The following B3GALT9 variants were observed in gnomAD, a reference collection of about 807,000 sequenced individuals.
B3GALT9 encodes the protein beta-1,3-galactosyltransferase 9, also known as UDP-GlcNAc:betaGal beta-1,3-N-acetylglucosaminyltransferase 10 (putative).
chr9:120,795,107 G>C (rs898156752), intron 1 of B3GALT9, among the ~76,000 whole-genome samples: 3 of 152,160 alleles, frequency 2.0e-5, no homozygotes, highest in African/African-American at 7.2e-5. Context: ...AAGGTCTCAA[G>C]AGAGCAAATT....
rs1439410414 is a variant in B3GALT9 at position 120,800,995 on chromosome 9, C to A, written c.*1317C>A. 6.6e-6 allele frequency among the ~76,000 whole-genome samples: 1 copy of A among 152,218 alleles called. No individual in the cohort carries two copies. Among genetic ancestry groups the A allele is most frequent in the African/African-American group, 2.4e-5 (1 of 41,454 alleles). On this transcript the variant is annotated 3_prime_UTR_variant, in exon 3 of 3. Transcript: ENST00000689072. ...TTGTCCTTCAATGCCTGGTTTATTTCATGTAACATAATGCACTCCAGGTTC... is the reference window on the plus strand; with the variant it reads ...TTGTCCTTCAATGCCTGGTTTATTTAATGTAACATAATGCACTCCAGGTTC...
chr9:120,799,421 C>T lies in B3GALT9; in HGVS notation c.853C>T (p.Pro285Ser). 2.5e-6 allele frequency: 1 copy of T among 399,214 alleles called. No homozygotes were observed. The highest frequency in any genetic ancestry group is 4.4e-6 in the Non-Finnish European group (1 of 226,114). The allele number at this position is 399,214 out of a possible 1,614,324, so 24.7% of individuals were successfully genotyped here. ...GICAKFIGLI[P>S]IHSSRFSGKR... ...TTGTGCTAAGTTCATTGGCCTTATA[C>T]CCATCCACAGCTCAAGGTTTTCTGG... Residue 285 changes from proline (P) to serine (S), a missense_variant, in exon 3 of 3, where the codon CCC (proline) becomes TCC (serine). By Grantham distance (74) the Pro-to-Ser change is moderately conservative. Coordinates refer to ENST00000689072, the MANE Select transcript of B3GALT9 (RefSeq NM_001386823.1).
At chr9:120,794,511 TG>T (rs1426834958) in intron 1 of B3GALT9, among the ~76,000 whole-genome samples, 4 of 23,986 alleles carry the variant, frequency 1.7e-4, no homozygotes, top group Admixed American at 1.1e-3. Flanking sequence ...GCTAGTTGTG[TG>T]TGTGTGTGTG....
Position 120,799,751 on chromosome 9 carries a change from C to A in B3GALT9, c.*73C>A, listed in dbSNP as rs2044959690. 2 of 397,608 alleles carry A rather than the reference C, an allele frequency of 5.0e-6. No homozygotes were observed. Among genetic ancestry groups the A allele is most frequent in the South Asian group, 2.8e-4 (2 of 7,236 alleles). 24.6% of individuals were successfully genotyped at this position (397,608 alleles called of 1,614,324 possible). A position where few individuals can be genotyped will look rare whatever the true frequency, so the allele number is the denominator to read the frequency against. On this transcript the variant is annotated 3_prime_UTR_variant, in exon 3 of 3. Transcript: ENST00000689072. ...TACCCTGTTATGGAAAGCATCCCTT[C>A]TTTCCCATGTTTTATGTAGGTTCTC...
chr9:120,795,454 A>T (rs149700975), intron 1 of B3GALT9, among the ~76,000 whole-genome samples: 55 of 152,352 alleles, frequency 3.6e-4, no homozygotes, highest in African/African-American at 1.3e-3. Flanking sequence ...AAAAATTTTT[A>T]AATTGCAAAG....
At position 120,800,359 on chromosome 9, in the gene B3GALT9, T is replaced by C. The variant is rs569111068; in HGVS notation, c.*681T>C. On this transcript the variant is annotated 3_prime_UTR_variant, in exon 3 of 3. Coordinates refer to ENST00000689072, the MANE Select transcript of B3GALT9 (RefSeq NM_001386823.1). ...GTCTCGAACTCCTGGCCTCAAGTGA[T>C]CCACCCGCCTGGGCCTCCCAAAGTG... 2.0e-5 allele frequency among the ~76,000 whole-genome samples: 3 copies of C among 152,102 alleles called. No individual in the cohort carries two copies. The South Asian group carries it at 6.2e-4, about 32-fold the overall frequency.
Position 120,799,524 on chromosome 9 carries a change from C to G in B3GALT9, c.956C>G (p.Pro319Arg). The G allele has an allele frequency of 2.5e-6, 1 of 399,602 alleles. No individual in the cohort carries two copies. The allele number at this position is 399,602 out of a possible 1,614,324, so 24.8% of individuals were successfully genotyped here. ...TSSEIADPEM[P>R]LAWKEINDGK... ...TCAGAAATTGCAGATCCTGAAATGC[C>G]CCTAGCATGGAAGGAAATTAATGAT... Residue 319 changes from proline to arginine, a missense_variant, in exon 3 of 3, where the codon CCC becomes CGC. By Grantham distance (103) the Pro-to-Arg change is moderately radical (BLOSUM62 -2). Transcript: ENST00000689072.
Position 120,798,556 on chromosome 9 carries a change from G to T in B3GALT9, c.7-19G>T. ...ATAGAGGTGAAGCCTGAATGAACAC[G>T]TGTCCTTTCCTTTTTTAGGTGACTT... On this transcript the variant is annotated intron_variant, in intron 2 of 2. Coordinates refer to ENST00000689072, the MANE Select transcript of B3GALT9 (RefSeq NM_001386823.1). The T allele has an allele frequency of 2.5e-6, 1 of 399,660 alleles. No homozygotes were observed. The highest frequency in any genetic ancestry group is 4.4e-6 in the Non-Finnish European group (1 of 226,210). The allele number at this position is 399,660 out of a possible 1,614,324, so 24.8% of individuals were successfully genotyped here. A position where few individuals can be genotyped will look rare whatever the true frequency, so the allele number is the denominator to read the frequency against.
At chr9:120,797,969 G>A (rs2044949726) in intron 2 of B3GALT9, among the ~76,000 whole-genome samples, 1 of 152,218 alleles carries the variant, frequency 6.6e-6, no homozygotes, top group African/African-American at 2.4e-5. Context: ...TGATGGAAAT[G>A]TCAGATAGAT....
chr9:120,799,045 C>T lies in B3GALT9; in HGVS notation c.477C>T (p.Thr159=). ...GIFLDSSENQ[T]LKIIAMIQWA... ...TCTTGGACAGTTCTGAGAACCAAAC[C>T]CTGAAGATCATTGCAATGATACAGT... Residue 159 remains threonine, a synonymous_variant, in exon 3 of 3, where the codon ACC becomes ACT. Transcript: ENST00000689072. The T allele has an allele frequency of 2.5e-6, 1 of 398,968 alleles. No individual in the cohort carries two copies. The highest frequency in any genetic ancestry group is 3.6e-5 in the East Asian group (1 of 28,068). 24.7% of individuals were successfully genotyped at this position (398,968 alleles called of 1,614,324 possible). A position where few individuals can be genotyped will look rare whatever the true frequency, so the allele number is the denominator to read the frequency against.
rs995582465 is a variant in B3GALT9, at chr9:120,799,862, A to C, written c.*184A>C. 4.1e-5 allele frequency: 16 copies of C among 388,820 alleles called. No homozygotes were observed. The highest frequency in any genetic ancestry group is 2.3e-4 in the African/African-American group (11 of 48,412). 24.1% of individuals were successfully genotyped at this position (388,820 alleles called of 1,614,324 possible). A position where few individuals can be genotyped will look rare whatever the true frequency, so the allele number is the denominator to read the frequency against. ...TACTGAGATCTCAAATTTTTAAAAA[A>C]TTTAAGTTGGTGTAGCATAATTCTT... On this transcript the variant is annotated 3_prime_UTR_variant, in exon 3 of 3. Transcript: ENST00000689072.
rs1241091937 is a variant in B3GALT9 at position 120,800,293 on chromosome 9, ATT to A, written c.*619_*620del. ...CCACCACGCCTGGCTAATTTTTGGT[ATT>A]TTTAGTAGAGGCGGGGTTTCACCAT... On this transcript the variant is annotated 3_prime_UTR_variant, in exon 3 of 3. Coordinates refer to ENST00000689072, the MANE Select transcript of B3GALT9 (RefSeq NM_001386823.1). Among the ~76,000 whole-genome samples, 5 of 151,450 alleles carry A rather than the reference ATT, an allele frequency of 3.3e-5. No individual in the cohort carries two copies. The East Asian group carries it at 9.7e-4, about 29-fold the overall frequency.
At chr9:120,794,753 A>G (rs1465881551) in intron 1 of B3GALT9, among the ~76,000 whole-genome samples, 1 of 152,078 alleles carries the variant, frequency 6.6e-6, no homozygotes, top group Non-Finnish European at 1.5e-5. Flanking sequence ...TCTTATACCA[A>G]CACTGTCCAA....
Position 120,796,469 on chromosome 9 carries a change from C to T in B3GALT9, c.-135C>T, listed in dbSNP as rs757133479. On this transcript the variant is annotated 5_prime_UTR_variant, in exon 2 of 3. Coordinates refer to ENST00000689072, the MANE Select transcript of B3GALT9 (RefSeq NM_001386823.1). Reference sequence around the variant, plus strand: ...AAGCTCAGGTTGATTGGCAAGAAACCTTATCCTCAAAAGTTGAGGCACAAA... The same window carrying T: ...AAGCTCAGGTTGATTGGCAAGAAACTTTATCCTCAAAAGTTGAGGCACAAA... 2 of 152,184 alleles carry T rather than the reference C, an allele frequency of 1.3e-5. No homozygotes were observed. Among genetic ancestry groups the T allele is most frequent in the Non-Finnish European group, 2.9e-5 (2 of 68,042 alleles). 9.4% of individuals were successfully genotyped at this position (152,184 alleles called of 1,614,324 possible).
At chr9:120,798,433 A>G (rs2044952191) in intron 2 of B3GALT9, 142 bp from the exon 3 acceptor site, 2 of 397,140 alleles carry the variant, frequency 5.0e-6, no homozygotes, top group Non-Finnish European at 8.9e-6. Flanking sequence ...AATCTAGTGG[A>G]AGAAATAGAT....
intron 2 of B3GALT9, among the ~76,000 whole-genome samples, chr9:120,797,594 G>A (rs2044948120): frequency 6.6e-6 from 1 of 151,936 alleles, no homozygotes; most frequent in East Asian, 1.9e-4. Context: ...CTGTGATCCT[G>A]GGCAAATTAC....
rs182455554 is a variant in B3GALT9 at position 120,796,503 on chromosome 9, C to G, written c.-101C>G. The G allele has an allele frequency of 3.3e-5, 5 of 152,336 alleles. No homozygotes were observed. The South Asian group carries it at 8.3e-4, about 25-fold the overall frequency. 9.4% of individuals were successfully genotyped at this position (152,336 alleles called of 1,614,324 possible). ...AAAAGTTGAGGCACAAAGTACTTTA[C>G]TGCAATTGCTGTTAGACTAGAGTGA... On this transcript the variant is annotated 5_prime_UTR_variant, in exon 2 of 3. Coordinates refer to ENST00000689072, the MANE Select transcript of B3GALT9 (RefSeq NM_001386823.1).
chr9:120,794,026 T>A (rs777243688), intron 1 of B3GALT9, 104 bp downstream of exon 1: 1 of 179,230 alleles, frequency 5.6e-6, no homozygotes, highest in Admixed American at 6.2e-5. Context: ...CCTCTCAGAC[T>A]TTGCTTCATC....
chr9:120,799,341 A>G lies in B3GALT9; in HGVS notation c.773A>G (p.Tyr258Cys), dbSNP rs374666292. The G allele has an allele frequency of 7.5e-6, 3 of 399,134 alleles. No homozygotes were observed. Among genetic ancestry groups the G allele is most frequent in the East Asian group, 3.6e-5 (1 of 28,082 alleles). 24.7% of individuals were successfully genotyped at this position (399,134 alleles called of 1,614,324 possible). Residue 258 changes from tyrosine to cysteine, a missense_variant, in exon 3 of 3, where the codon TAT becomes TGT. Transcript: ENST00000689072. ...TCCCAAGATGTGGCTCGAATGATGT[A>G]TGTGGTTTTCAAAGAAGTACCCATG... ...IMSQDVARMM[Y>C]VVFKEVPMMV...
Sources: gnomAD v4.1 joint callset for allele counts (sites outside exome capture counted in the v4.1 genomes callset) on GRCh38, gnomAD v4.1.1 for gene constraint, MANE v1.5 for transcripts, NCBI Gene and HGNC (gene_info 2026-07-23, HGNC 2026-07-21) for gene names.